Variants in MALRD1 observed in about 807,000 individuals in gnomAD.
The protein encoded by MALRD1 is MAM and LDL-receptor class A domain-containing protein 1.
In MALRD1, 247 loss-of-function variants were observed where a neutral mutation model predicts 242.1. The observed-to-expected ratio is 1.02, with a 90% CI of 0.92 to 1.13. MALRD1 has a LOEUF of 1.13. Ranked by LOEUF, MALRD1 falls within the 50% of genes most tolerant of loss-of-function variation. The pLI, the probability that MALRD1 is intolerant of heterozygous loss-of-function variation, is 0.00. For missense variants in MALRD1, 2,989 were observed against 2,533.1 expected (o/e 1.18, Z -3.86); for synonymous variants, 995 against 866.6 (o/e 1.15, Z -2.60).
chr10:19,308,477 G>A (rs919438626), intron 21 of MALRD1, among the ~76,000 whole-genome samples: 3 of 151,584 alleles, frequency 2.0e-5, no homozygotes, highest in Non-Finnish European at 4.4e-5. Context: ...AGCAGAAGTG[G>A]ACAGAGTGAG....
intron 28 of MALRD1, among the ~76,000 whole-genome samples, chr10:19,417,589 A>G (rs1022715743): frequency 1.3e-5 from 2 of 152,148 alleles, no homozygotes; most frequent in Admixed American, 6.6e-5. Flanking sequence ...CTCTTAAGTA[A>G]AGTTTTAATT....
rs10687440 is a variant in MALRD1, at chr10:19,386,721, T to TACACAC, written c.4442-791_4442-786dup. 1.4e-3 allele frequency among the ~76,000 whole-genome samples: 207 copies of TACACAC among 149,002 alleles called. 1 individual carries two copies. Among genetic ancestry groups the TACACAC allele is most frequent in the Admixed American group, 3.5e-3 (52 of 14,812 alleles). On this transcript the variant is annotated intron_variant, in intron 26 of 39. Coordinates refer to ENST00000454679, the MANE Select transcript of MALRD1 (RefSeq NM_001142308.3). ...ATACACACACAAATACATATACATA[T>TACACAC]ACACACACACACACACACACAATAC...
At chr10:19,314,822 T>A (rs542655426) in intron 21 of MALRD1, among the ~76,000 whole-genome samples, 1 of 151,402 alleles carries the variant, frequency 6.6e-6, no homozygotes, top group East Asian at 2.0e-4. Context: ...ACCAAAAAAA[T>A]TTCTGACCCC....
chr10:19,720,310 G>C (rs1233010893), intron 38 of MALRD1, among the ~76,000 whole-genome samples: 2 of 152,138 alleles, frequency 1.3e-5, no homozygotes, highest in East Asian at 3.9e-4. Context: ...CCTGGTGTTT[G>C]AAAAGTATTA....
At chr10:19,724,695 G>T (rs1365399496) in intron 38 of MALRD1, among the ~76,000 whole-genome samples, 1 of 152,164 alleles carries the variant, frequency 6.6e-6, no homozygotes, top group Non-Finnish European at 1.5e-5. Flanking sequence ...CTAAGCTAGG[G>T]ATAAATGTAG....
At chr10:19,663,579 T>G (rs900523799) in intron 36 of MALRD1, among the ~76,000 whole-genome samples, 1 of 152,012 alleles carries the variant, frequency 6.6e-6, no homozygotes, top group Non-Finnish European at 1.5e-5. Flanking sequence ...GTGGTTCTAG[T>G]TTTAGTTCTT....
intron 34 of MALRD1, among the ~76,000 whole-genome samples, chr10:19,600,547 G>C (rs1838296786): frequency 6.6e-6 from 1 of 152,152 alleles, no homozygotes. Flanking sequence ...GCGCCCTGAA[G>C]GGCTTGTAGC....
At chr10:19,531,043 T>C in intron 31 of MALRD1, 151 bp from the exon 32 acceptor site, 2 of 607,002 alleles carry the variant, frequency 3.3e-6, no homozygotes, top group East Asian at 3.0e-5. Flanking sequence ...GAATGAAATG[T>C]TATTGATATA....
intron 28 of MALRD1, among the ~76,000 whole-genome samples, chr10:19,404,931 C>A (rs1258315461): frequency 1.3e-5 from 2 of 152,126 alleles, no homozygotes; most frequent in African/African-American, 4.8e-5. Flanking sequence ...AGCAAATGTA[C>A]TAGTTGCTTT....
chr10:19,681,481 CTTGTG>C (rs1438500996), intron 36 of MALRD1, among the ~76,000 whole-genome samples: 13 of 152,116 alleles, frequency 8.5e-5, no homozygotes, highest in East Asian at 3.9e-4. Flanking sequence ...TTGTGACATT[CTTGTG>C]TTGTGTTTTT....
Position 19,475,885 on chromosome 10 carries a change from A to G in MALRD1, c.5030-15632A>G, listed in dbSNP as rs537352138. Among the ~76,000 whole-genome samples, 12 of 152,320 alleles carry G rather than the reference A, an allele frequency of 7.9e-5. No homozygotes were observed. In the East Asian group the frequency reaches 1.9e-3, roughly 24 times the overall value. On this transcript the variant is annotated intron_variant, in intron 29 of 39. Coordinates refer to ENST00000454679, the MANE Select transcript of MALRD1 (RefSeq NM_001142308.3). ...ATTAAAGCACATTAATGTTATCAAA[A>G]TCAAAGAGATTCTAAAACCTCATGT...
intron 38 of MALRD1, among the ~76,000 whole-genome samples, chr10:19,711,528 G>T (rs536306223): frequency 6.6e-6 from 1 of 152,318 alleles, no homozygotes; most frequent in East Asian, 1.9e-4. Context: ...TGGAAAAGGA[G>T]AGACAGTCTT....
chr10:19,683,237 C>T (rs537340022), intron 36 of MALRD1, among the ~76,000 whole-genome samples: 1 of 152,150 alleles, frequency 6.6e-6, no homozygotes, highest in Non-Finnish European at 1.5e-5. Flanking sequence ...TAACCAAATG[C>T]TCACAATGGG....
At chr10:19,543,161 T>G (rs1385212669) in intron 32 of MALRD1, among the ~76,000 whole-genome samples, 1 of 152,240 alleles carries the variant, frequency 6.6e-6, no homozygotes, top group Non-Finnish European at 1.5e-5. Context: ...CACAGCTCAC[T>G]GCAGCCTTGC....
Position 19,721,539 on chromosome 10 carries a change from A to G in MALRD1, c.6315-9167A>G, listed in dbSNP as rs1456438007. The G allele has an allele frequency of 2.0e-5, 3 of 152,294 alleles. No individual in the cohort carries two copies. In the East Asian group the frequency reaches 5.8e-4, roughly 29 times the overall value. The allele number at this position is 152,294 out of a possible 1,614,324, so 9.4% of individuals were successfully genotyped here. A position where few individuals can be genotyped will look rare whatever the true frequency, so the allele number is the denominator to read the frequency against. On this transcript the variant is annotated intron_variant, in intron 38 of 39. Transcript: ENST00000454679. The stretch of plus-strand genomic sequence containing the variant: ...TCACATTCATTTTTATGGTTAGGAA[A>G]CATCTCTCCCTAGTAGTAACAAATC...
intron 28 of MALRD1, among the ~76,000 whole-genome samples, chr10:19,450,093 T>C (rs771024413): frequency 2.0e-5 from 3 of 152,200 alleles, no homozygotes; most frequent in South Asian, 2.1e-4. Flanking sequence ...CCCTTAGTGC[T>C]TTCCCCGACC....
intron 29 of MALRD1, among the ~76,000 whole-genome samples, chr10:19,486,106 G>GT (rs199830716): frequency 0.023 from 3,551 of 152,016 alleles, 161 homozygotes; most frequent in African/African-American, 0.081. Flanking sequence ...AGGAGAGATT[G>GT]TTTTTTTCTA....
chr10:19,197,308 G>A (rs1012558704), intron 14 of MALRD1, among the ~76,000 whole-genome samples: 8 of 151,752 alleles, frequency 5.3e-5, no homozygotes, highest in African/African-American at 1.7e-4. Context: ...CCTTGACCTC[G>A]AATTCTCATT....
At chr10:19,600,480 G>T (rs1404859426) in intron 34 of MALRD1, among the ~76,000 whole-genome samples, 1 of 152,112 alleles carries the variant, frequency 6.6e-6, no homozygotes, top group African/African-American at 2.4e-5. Context: ...TAAGAGTACT[G>T]GTTGAATTTA....
Sources: allele counts gnomAD v4.1 joint callset (sites outside exome capture counted in the v4.1 genomes callset), GRCh38; gene constraint gnomAD v4.1.1; transcripts MANE v1.5; gene names NCBI Gene and HGNC (gene_info 2026-07-23, HGNC 2026-07-21).